The following HEATR9 variants were observed in gnomAD, a reference collection of about 807,000 sequenced individuals.
The protein encoded by HEATR9 is protein HEATR9.
In HEATR9, 54 loss-of-function variants were observed where a neutral mutation model predicts 68.2. The ratio of observed to expected loss-of-function variants is 0.79; its 90% CI spans 0.64 to 0.99. The LOEUF (loss-of-function observed/expected upper bound fraction) is 0.99, where lower values mean the gene tolerates loss of function less well. Ranked by LOEUF, HEATR9 falls within the 50% of genes least tolerant of loss-of-function variation. The pLI is 0.00. For missense variants in HEATR9, 662 were observed against 679.7 expected (o/e 0.97, Z 0.29); for synonymous variants, 241 against 253.5 (o/e 0.95, Z 0.47).
At chr17:35,862,826 G>C (rs1384928807) in intron 8 of HEATR9, 169 bp downstream of exon 8, 4 of 887,210 alleles carry the variant, frequency 4.5e-6, no homozygotes, top group Non-Finnish European at 6.8e-6. Context: ...GGACTAGTAA[G>C]TGGCCAAGCC....
At chr17:35,856,402 G>T in intron 12 of HEATR9, 178 bp from the exon 13 acceptor site, 1 of 1,515,088 alleles carries the variant, frequency 6.6e-7, no homozygotes. Flanking sequence ...AGGCACCACA[G>T]TTTGCCAGGA....
chr17:35,855,527 G>T, intron 14 of HEATR9, 117 bp from the exon 15 acceptor site: 1 of 1,311,472 alleles, frequency 7.6e-7, no homozygotes, highest in Non-Finnish European at 1.1e-6. Context: ...TGGCCCCAAG[G>T]AACAAGGTCA....
chr17:35,855,484 A>G, intron 14 of HEATR9, 74 bp from the exon 15 acceptor site: 1 of 1,426,646 alleles, frequency 7.0e-7, no homozygotes, highest in African/African-American at 1.4e-5. Context: ...GGGGGCACCC[A>G]AAGTAGGGGG....
intron 6 of HEATR9, 72 bp from the exon 7 acceptor site, chr17:35,863,631 G>T: frequency 6.7e-7 from 1 of 1,493,896 alleles, no homozygotes; most frequent in Non-Finnish European, 9.3e-7. Context: ...GATTGTCTCA[G>T]CTTAACTTCT....
At chr17:35,868,329 A>G (rs1459755906) in intron 1 of HEATR9, among the ~76,000 whole-genome samples, 2 of 152,208 alleles carry the variant, frequency 1.3e-5, no homozygotes, top group Non-Finnish European at 2.9e-5. Context: ...AGCCAGGTAG[A>G]TAAGGGGGAA....
chr17:35,861,062 G>T (rs2087972031), intron 8 of HEATR9: 3 of 844,336 alleles, frequency 3.6e-6, no homozygotes, highest in South Asian at 1.4e-5. Flanking sequence ...AAAAAGAAAT[G>T]GTTACAGAGA....
At chr17:35,856,354 G>A in intron 12 of HEATR9, 130 bp from the exon 13 acceptor site, 5 of 1,598,798 alleles carry the variant, frequency 3.1e-6, no homozygotes, top group African/African-American at 1.3e-5. Flanking sequence ...TCCTTCTCTT[G>A]TTTCTTGGAT....
At chr17:35,867,824 C>A (rs186095181) in intron 1 of HEATR9, among the ~76,000 whole-genome samples, 2 of 152,192 alleles carry the variant, frequency 1.3e-5, no homozygotes, top group Admixed American at 1.3e-4. Flanking sequence ...CTTGCCTGGG[C>A]TGCTGGAGTG....
intron 14 of HEATR9, 105 bp from the exon 15 acceptor site, chr17:35,855,515 T>G: frequency 3.8e-6 from 5 of 1,328,812 alleles, no homozygotes; most frequent in Non-Finnish European, 5.3e-6. Flanking sequence ...CACAGGGCAC[T>G]GTGGCCCCAA....
chr17:35,859,988 C>CA (rs1256329345), intron 8 of HEATR9, among the ~76,000 whole-genome samples: 2 of 152,208 alleles, frequency 1.3e-5, no homozygotes, highest in African/African-American at 4.8e-5. Context: ...TGCACCCATA[C>CA]ACCCTTCCTT....
Position 35,867,428 on chromosome 17 carries a change from CAAAAAAAAAA to C in HEATR9, c.89-665_89-656del, listed in dbSNP as rs11315915. On this transcript the variant is annotated intron_variant, in intron 1 of 14. Transcript: ENST00000604834. ...CCAGCCTGGGTAACAGAGCAAGACT[CAAAAAAAAAA>C]AAAAAAAAAAAAAAAAAAGAGATAG... Among the ~76,000 whole-genome samples the C allele has an allele frequency of 2.0e-4, 8 of 40,086 alleles. No homozygotes were observed. The South Asian group carries it at 9.0e-3, about 45-fold the overall frequency. 26.3% of individuals were successfully genotyped at this position (40,086 alleles called of 152,430 possible). A position where few individuals can be genotyped will look rare whatever the true frequency, so the allele number is the denominator to read the frequency against.
At chr17:35,856,832 A>AT in intron 11 of HEATR9, 27 bp from the exon 12 acceptor site, 1 of 1,576,778 alleles carries the variant, frequency 6.3e-7, no homozygotes, top group Non-Finnish European at 8.6e-7. Flanking sequence ...ATGAGTCAAC[A>AT]GAGAGAGGGA....
At chr17:35,863,916 T>G (rs950191457) in intron 6 of HEATR9, 2 of 535,638 alleles carry the variant, frequency 3.7e-6, no homozygotes, top group Non-Finnish European at 6.6e-6. Context: ...ATGTTCCCAG[T>G]GGTAAGCTGA....
At position 35,863,460 on chromosome 17, in the gene HEATR9, T is replaced by G. The variant is rs769154410; in HGVS notation, c.625+42A>C. On this transcript the variant is annotated intron_variant, in intron 7 of 14. Transcript: ENST00000604834. ...GTCCTTACCCAAAGGAGAAAGTGGT[T>G]GCACTTTCTCAACTCCCCACCAAGG... 18 of 1,583,868 alleles carry G rather than the reference T, an allele frequency of 1.1e-5. No individual in the cohort carries two copies. The East Asian group carries it at 4.0e-4, about 35-fold the overall frequency.
At position 35,855,760 on chromosome 17, in the gene HEATR9, G is replaced by C; in HGVS notation, c.1279-10C>G. ...GGATCCCCAGGACACCCTGGCAGAGGCAGAGTGAGAGTGCCTATGTAGCCA... is the reference window on the plus strand; with the variant it reads ...GGATCCCCAGGACACCCTGGCAGAGCCAGAGTGAGAGTGCCTATGTAGCCA... On this transcript the variant is annotated splice_polypyrimidine_tract_variant and intron_variant, in intron 13 of 14. Transcript: ENST00000604834. 1 of 1,612,630 alleles carries C rather than the reference G, an allele frequency of 6.2e-7. No individual in the cohort carries two copies. The highest frequency in any genetic ancestry group is 8.5e-7 in the Non-Finnish European group (1 of 1,179,080).
Position 35,858,951 on chromosome 17 carries a change from G to A in HEATR9, c.876C>T (p.Ser292=), listed in dbSNP as rs761269964. 4 of 1,614,142 alleles carry A rather than the reference G, an allele frequency of 2.5e-6. No individual in the cohort carries two copies. In the South Asian group the frequency reaches 4.4e-5, roughly 18 times the overall value. The part of the protein sequence containing the change: ...ALCLGFLRPC[S]NMVQEFLLQC... ...GCAACAAGAACTCTTGGACCATGTT[G>A]CTGCAAGGCCTCAGGAAACCCAGGC... Residue 292 remains serine, a synonymous_variant, in exon 9 of 15, where the codon AGC becomes AGT. Coordinates refer to ENST00000604834, the MANE Select transcript of HEATR9 (RefSeq NM_152781.4).
At chr17:35,861,078 A>G (rs1316603459) in intron 8 of HEATR9, 1 of 921,228 alleles carries the variant, frequency 1.1e-6, no homozygotes, top group African/African-American at 1.6e-5. Context: ...AGAGATTTTA[A>G]AGAAGCATCC....
chr17:35,864,051 C>A, intron 6 of HEATR9, 195 bp downstream of exon 6: 1 of 588,544 alleles, frequency 1.7e-6, no homozygotes, highest in Non-Finnish European at 3.0e-6. Flanking sequence ...ATTCTTCCTT[C>A]CCTATCTTTT....
Position 35,858,492 on chromosome 17 carries a change from G to A in HEATR9, c.973C>T (p.His325Tyr), listed in dbSNP as rs116758864. Residue 325 changes from histidine to tyrosine, a missense_variant, in exon 10 of 15, where the codon CAC becomes TAC. Coordinates refer to ENST00000604834, the MANE Select transcript of HEATR9 (RefSeq NM_152781.4). ...LRMLVKVMHV[H>Y]SAPVIKAILD... is the part of the protein sequence containing the mutation. Reference sequence around the variant, plus strand: ...ATGGCCTTGATGACTGGGGCTGAGTGCACGTGCATCACCTTGACCAGCATC... The same window carrying A: ...ATGGCCTTGATGACTGGGGCTGAGTACACGTGCATCACCTTGACCAGCATC... 3.9e-4 allele frequency: 622 copies of A among 1,613,950 alleles called. 1 individual carries two copies. The Middle Eastern group carries it at 0.016, about 42-fold the overall frequency.
Sources: allele counts gnomAD v4.1 joint callset (sites outside exome capture counted in the v4.1 genomes callset), GRCh38; gene constraint gnomAD v4.1.1; transcripts MANE v1.5; gene names NCBI Gene and HGNC (gene_info 2026-07-23, HGNC 2026-07-21).